Variants in BRD3 observed in about 807,000 individuals in gnomAD.
BRD3 encodes the protein bromodomain-containing protein 3.
BRD3 carries 17 observed loss-of-function variants against 66.8 expected under a neutral mutation model. The observed-to-expected ratio is 0.25, with a 90% CI of 0.17 to 0.38. The LOEUF is 0.38. Ranked by LOEUF, BRD3 falls within the 10% of genes least tolerant of loss-of-function variation. The probability of loss-of-function intolerance (pLI) is 1.00; values close to 1 mark genes in which losing one functional copy is unlikely to be tolerated. For synonymous variants in BRD3, 421 were observed against 393.2 expected (o/e 1.07, Z -0.84); for missense variants, 713 against 956.1 (o/e 0.75, Z 3.35).
intron 1 of BRD3, among the ~76,000 whole-genome samples, chr9:134,064,479 T>G (rs1830606830): frequency 1.3e-5 from 2 of 152,090 alleles, no homozygotes; most frequent in South Asian, 4.2e-4. Context: ...AGGTGGAGGT[T>G]GCAGTGAAGG....
intron 1 of BRD3, chr9:134,056,615 G>A (rs1010579187): frequency 7.9e-5 from 12 of 152,456 alleles, no homozygotes; most frequent in Admixed American, 2.0e-4. Context: ...GAGGGCAAAG[G>A]GGTGGCATCC....
intron 8 of BRD3, 116 bp from the exon 9 acceptor site, chr9:134,040,385 G>T: frequency 8.1e-7 from 1 of 1,233,362 alleles, no homozygotes; most frequent in Non-Finnish European, 1.1e-6. Flanking sequence ...TCAGCTGGGT[G>T]AGGAGGTGAA....
In BRD3 at chr9:134,032,439, C is replaced by CAAAA. The variant is rs10636879; in HGVS notation, c.*1147_*1150dup. The CAAAA allele has an allele frequency of 5.2e-4, 60 of 116,394 alleles. No individual in the cohort carries two copies. The highest frequency in any genetic ancestry group is 1.0e-3 in the East Asian group (10 of 9,638). The allele number at this position is 116,394 out of a possible 1,614,324, so 7.2% of individuals were successfully genotyped here. On this transcript the variant is annotated 3_prime_UTR_variant, in exon 12 of 12. Transcript: ENST00000303407. Reference sequence around the variant, plus strand: ...TACCTGTAAGCCTCCAAGTTTCATACAAAAAAAAAAAAAAAAAAAAACCAC... The same window carrying CAAAA: ...TACCTGTAAGCCTCCAAGTTTCATACAAAAAAAAAAAAAAAAAAAAAAAAACCAC...
At chr9:134,049,102 A>G (rs978638481) in intron 5 of BRD3, among the ~76,000 whole-genome samples, 5 of 152,156 alleles carry the variant, frequency 3.3e-5, no homozygotes, top group African/African-American at 9.7e-5. Flanking sequence ...GGCCATTTCA[A>G]GCAAGGAGAG....
chr9:134,065,297 G>A (rs1407826724), intron 1 of BRD3, among the ~76,000 whole-genome samples: 4 of 152,158 alleles, frequency 2.6e-5, no homozygotes, highest in Non-Finnish European at 5.9e-5. Context: ...GGTGGCGGAC[G>A]CCTGTAATCC....
rs200262807 is a variant in BRD3, at chr9:134,033,377, C to G, written c.*213G>C. 69 of 471,682 alleles carry G rather than the reference C, an allele frequency of 1.5e-4. No homozygotes were observed. The East Asian group carries it at 1.8e-3, about 13-fold the overall frequency. 29.2% of individuals were successfully genotyped at this position (471,682 alleles called of 1,614,324 possible). Reference sequence around the variant, plus strand: ...ACTGAATTCAGTGATGAAGAAGAGACTTTCTGCAGAGTTCACACCTTCTCA... The same window carrying G: ...ACTGAATTCAGTGATGAAGAAGAGAGTTTCTGCAGAGTTCACACCTTCTCA... On this transcript the variant is annotated 3_prime_UTR_variant, in exon 12 of 12. Coordinates refer to ENST00000303407, the MANE Select transcript of BRD3 (RefSeq NM_007371.4). The surrounding 1 kb of genome is among the most constrained non-coding windows in gnomAD (Gnocchi z 5.1).
At position 134,050,371 on chromosome 9, in the gene BRD3, CACCTTGACG is replaced by C; in HGVS notation, c.708_714+2del. The C allele has an allele frequency of 6.2e-7, 1 of 1,609,484 alleles. No homozygotes were observed. The highest frequency in any genetic ancestry group is 8.5e-7 in the Non-Finnish European group (1 of 1,179,076). The stretch of plus-strand genomic sequence containing the variant: ...CCCACCCATCCGGACTCAGGGTGCT[CACCTTGACG>C]ACAGGCGGCGTAGGAGGGACCACGG... On this transcript the variant is annotated splice_donor_variant and coding_sequence_variant, in exon 5 of 12. Coordinates refer to ENST00000303407, the MANE Select transcript of BRD3 (RefSeq NM_007371.4). LOFTEE classifies it high-confidence loss of function.
chr9:134,060,121 G>T (rs1041749953), intron 1 of BRD3, among the ~76,000 whole-genome samples: 5 of 152,206 alleles, frequency 3.3e-5, no homozygotes, highest in African/African-American at 1.2e-4. Context: ...ACTGCCTGCC[G>T]GGCCCAGCAG....
At chr9:134,067,645 C>T (rs1830695872) in intron 1 of BRD3, among the ~76,000 whole-genome samples, 1 of 146,590 alleles carries the variant, frequency 6.8e-6, no homozygotes, top group Admixed American at 6.8e-5. Flanking sequence ...GCGCCCCGGC[C>T]GCAGCGACGC....
rs369442870 is a variant in BRD3, at chr9:134,040,014, C to T, written c.1643+20G>A. The T allele has an allele frequency of 1.1e-4, 172 of 1,573,712 alleles. No individual in the cohort carries two copies. Among genetic ancestry groups the T allele is most frequent in the Non-Finnish European group, 1.4e-4 (158 of 1,164,084 alleles). On this transcript the variant is annotated intron_variant, in intron 9 of 11. Transcript: ENST00000303407. ...TGCTGAGCGCTGGGCTCTTGGAGCC[C>T]GAGCAGGTCTGGAGCCCACCTGCCG...
chr9:134,062,046 A>G (rs1466860983), intron 1 of BRD3, among the ~76,000 whole-genome samples: 2 of 152,178 alleles, frequency 1.3e-5, no homozygotes, highest in Non-Finnish European at 2.9e-5. Context: ...GGCTGCCTTC[A>G]GTGACAGACG....
chr9:134,034,680 C>T (rs1194174138), intron 11 of BRD3, 21 bp downstream of exon 11: 2 of 1,601,122 alleles, frequency 1.2e-6, no homozygotes, highest in Non-Finnish European at 1.7e-6. Flanking sequence ...AGAGGGGTGG[C>T]ACAGCGGCCG....
At chr9:134,041,377 G>A (rs1830043819) in intron 8 of BRD3, among the ~76,000 whole-genome samples, 1 of 152,116 alleles carries the variant, frequency 6.6e-6, no homozygotes, top group South Asian at 2.1e-4. Context: ...TCAGGACCCT[G>A]GAGCCTGCAC....
chr9:134,050,002 C>A (rs922680859), intron 5 of BRD3, among the ~76,000 whole-genome samples: 3 of 152,192 alleles, frequency 2.0e-5, no homozygotes, highest in African/African-American at 7.2e-5. Context: ...TCACAACGCA[C>A]CCAGGTAGGT....
At chr9:134,038,133 G>A (rs1027872115) in intron 9 of BRD3, among the ~76,000 whole-genome samples, 6 of 152,106 alleles carry the variant, frequency 3.9e-5, no homozygotes, top group African/African-American at 9.7e-5. Context: ...AAACAGAAGA[G>A]GGGCAACACC....
At chr9:134,048,525 T>A (rs1830225143) in intron 5 of BRD3, 71 bp from the exon 6 acceptor site, 1 of 1,583,496 alleles carries the variant, frequency 6.3e-7, no homozygotes, top group Non-Finnish European at 8.5e-7. Context: ...TGCAGCCGCG[T>A]TTCTGGGGCA....
chr9:134,048,184 C>T lies in BRD3; in HGVS notation c.985G>A (p.Ala329Thr). 1 of 1,612,472 alleles carries T rather than the reference C, an allele frequency of 6.2e-7. No homozygotes were observed. ...GGCTTGTAGAAGGGCCAGGCGTAGG[C>T]CGCGTGCTTCTTGGATAGCATCTCC... ...LREMLSKKHA[A>T]YAWPFYKPVD... Residue 329 changes from alanine (A) to threonine (T), a missense_variant, in exon 6 of 12, where the codon GCC (alanine) becomes ACC (threonine). Transcript: ENST00000303407.
chr9:134,050,257 C>T (rs180672970), intron 5 of BRD3, 117 bp downstream of exon 5: 13 of 915,570 alleles, frequency 1.4e-5, no homozygotes, highest in Admixed American at 2.3e-5. Flanking sequence ...GAGAGAAACA[C>T]TCCCAAGAGC....
intron 8 of BRD3, among the ~76,000 whole-genome samples, chr9:134,041,504 T>TC (rs1187317505): frequency 6.6e-6 from 1 of 152,058 alleles, no homozygotes; most frequent in East Asian, 1.9e-4. Context: ...ACCCCTGAGC[T>TC]CCCACCTGAG....
Sources: allele counts gnomAD v4.1 joint callset (sites outside exome capture counted in the v4.1 genomes callset), GRCh38; gene constraint gnomAD v4.1.1; non-coding constraint Gnocchi (gnomAD v3.1); transcripts MANE v1.5; gene names NCBI Gene and HGNC (gene_info 2026-07-23, HGNC 2026-07-21).